The following PRDM2 variants were observed in gnomAD, a reference collection of about 807,000 sequenced individuals.
The protein encoded by PRDM2 is PR/SET domain 2.
PRDM2 carries 30 observed loss-of-function variants against 130.0 expected under a neutral mutation model. The ratio of observed to expected loss-of-function variants is 0.23; its 90% CI spans 0.17 to 0.31. The LOEUF is 0.31. Among genes scored for constraint, PRDM2 ranks in the 10% least tolerant of loss-of-function variants. The pLI is 1.00. For missense variants in PRDM2, 2,011 were observed against 2,108.4 expected (o/e 0.95, Z 0.90); for synonymous variants, 871 against 782.4 (o/e 1.11, Z -1.89).
chr1:13,707,860 C>A (rs1642256454), intron 1 of PRDM2, among the ~76,000 whole-genome samples: 1 of 144,146 alleles, frequency 6.9e-6, no homozygotes, highest in East Asian at 2.0e-4. Flanking sequence ...GGAGGAATAT[C>A]CTATAGTGAG....
At position 13,782,325 on chromosome 1, in the gene PRDM2, C is replaced by T. The variant is rs1462362951; in HGVS notation, c.4530C>T (p.Asn1510=). 1 of 1,614,056 alleles carries T rather than the reference C, an allele frequency of 6.2e-7. No individual in the cohort carries two copies. Among genetic ancestry groups the T allele is most frequent in the East Asian group, 2.2e-5 (1 of 44,874 alleles). Residue 1510 remains asparagine (N), a synonymous_variant, in exon 8 of 10, where the codon AAC becomes AAT. Transcript: ENST00000311066. The part of the protein sequence containing the change: ...SSPASSDKNS[N]SNHRRRTADA... ...CTGCAAGTAGTGACAAAAACAGTAA[C>T]AGCAACCACCGCAGACGGACAGCGG...
At position 13,778,599 on chromosome 1, in the gene PRDM2, A is replaced by AGAGGAGGAGGAGGAAGAG; in HGVS notation, c.813_830dup (p.Glu271_Glu276dup). On this transcript the variant is annotated inframe_insertion, in exon 8 of 10. Transcript: ENST00000311066. ...CTTGTGAGGTGAATGATTTGGGGGA[A>AGAGGAGGAGGAGGAAGAG]GAGGAGGAGGAGGAAGAGGAGGAGG... 6.2e-7 allele frequency: 1 copy of AGAGGAGGAGGAGGAAGAG among 1,611,720 alleles called. No homozygotes were observed.
chr1:13,749,278 C>G (rs1225178792), intron 5 of PRDM2, 83 bp from the exon 6 acceptor site: 1 of 1,249,284 alleles, frequency 8.0e-7, no homozygotes, highest in Non-Finnish European at 1.0e-6. Flanking sequence ...GCGCCGCTCC[C>G]GCCCGCGTCC....
chr1:13,754,313 G>A (rs1569876309), intron 6 of PRDM2, among the ~76,000 whole-genome samples: 4 of 152,326 alleles, frequency 2.6e-5, no homozygotes, highest in Admixed American at 2.6e-4. Flanking sequence ...ACAGCAGGCA[G>A]CATCCTCCTC....
chr1:13,704,711 T>G (rs920511506), intron 1 of PRDM2: 7 of 152,224 alleles, frequency 4.6e-5, no homozygotes, highest in African/African-American at 1.2e-4. Context: ...TAAACTCTGG[T>G]GGGATAATTC....
chr1:13,700,487 C>T (rs988489519), intron 1 of PRDM2, among the ~76,000 whole-genome samples, 187 bp downstream of exon 1: 2 of 150,152 alleles, frequency 1.3e-5, no homozygotes, highest in Non-Finnish European at 3.0e-5. Context: ...GAGGCGCGGG[C>T]CTCCGGGTCG....
At chr1:13,748,149 A>G (rs957697631) in intron 5 of PRDM2, among the ~76,000 whole-genome samples, 1 of 152,224 alleles carries the variant, frequency 6.6e-6, no homozygotes, top group Non-Finnish European at 1.5e-5. Context: ...TTTTCTGTGC[A>G]TCGTATCAGG....
rs963669709 is a variant in PRDM2, at chr1:13,787,446, C to T, written c.5036+4615C>T. 86 of 985,196 alleles carry T rather than the reference C, an allele frequency of 8.7e-5. No homozygotes were observed. The East Asian group carries it at 3.6e-3, about 42-fold the overall frequency. 61.0% of individuals were successfully genotyped at this position (985,196 alleles called of 1,614,324 possible). A position where few individuals can be genotyped will look rare whatever the true frequency, so the allele number is the denominator to read the frequency against. On this transcript the variant is annotated intron_variant, in intron 8 of 9. Coordinates refer to ENST00000311066, the MANE Select transcript of PRDM2 (RefSeq NM_001393986.1). The stretch of plus-strand genomic sequence containing the variant: ...AATTAATGACTGAGTTGGTGGAAAG[C>T]GGCTAGGTTTTATTCATACTGTTTT...
At chr1:13,749,627 T>G (rs1401662140) in intron 6 of PRDM2, 140 bp downstream of exon 6, 1 of 369,706 alleles carries the variant, frequency 2.7e-6, no homozygotes, top group Non-Finnish European at 3.7e-6. Flanking sequence ...CTCGGTGACC[T>G]TTTCCGGACT....
At chr1:13,728,248 T>A (rs1480303988) in intron 2 of PRDM2, among the ~76,000 whole-genome samples, 1 of 152,174 alleles carries the variant, frequency 6.6e-6, no homozygotes, top group Non-Finnish European at 1.5e-5. Flanking sequence ...AACACAACAC[T>A]GAATAAGATA....
At position 13,781,961 on chromosome 1, in the gene PRDM2, C is replaced by G. The variant is rs1475648783; in HGVS notation, c.4166C>G (p.Ser1389Cys). 6.2e-7 allele frequency: 1 copy of G among 1,614,024 alleles called. No individual in the cohort carries two copies. Among genetic ancestry groups the G allele is most frequent in the African/African-American group, 1.3e-5 (1 of 74,890 alleles). The change falls in exon 8 of 10, where the codon TCT becomes TGT. Residue 1389 changes from serine to cysteine, a missense_variant. Physicochemically the swap from Ser to Cys is moderately radical, Grantham distance 112. Around this residue, in one of 5 missense-constraint regions of PRDM2, gnomAD observed 229 missense variants for 364.1 expected, o/e 0.63. Transcript: ENST00000311066. This position sits in a 1 kb window ranked among gnomAD's most constrained non-coding sequence, Gnocchi z 6.1. Reference sequence around the variant, plus strand: ...AATGGCGTGGTGGTTTTAGATAACTCTGGGAAAAATGCCTTCCGACGAATG... The same window carrying G: ...AATGGCGTGGTGGTTTTAGATAACTGTGGGAAAAATGCCTTCCGACGAATG... ...PKNGVVVLDN[S>C]GKNAFRRMGQ...
intron 5 of PRDM2, among the ~76,000 whole-genome samples, chr1:13,744,546 C>T (rs545482105): frequency 6.6e-6 from 1 of 152,026 alleles, no homozygotes; most frequent in South Asian, 2.1e-4. Flanking sequence ...TATGTGACCA[C>T]GCAAAGGATC....
chr1:13,809,231 C>T (rs921608865), intron 8 of PRDM2, among the ~76,000 whole-genome samples: 3 of 152,168 alleles, frequency 2.0e-5, no homozygotes, highest in Admixed American at 2.0e-4. Flanking sequence ...AGGGGCGTGT[C>T]GTGGTCCGTT....
chr1:13,707,029 A>G (rs1210475187), intron 1 of PRDM2, among the ~76,000 whole-genome samples: 1 of 152,154 alleles, frequency 6.6e-6, no homozygotes, highest in South Asian at 2.1e-4. Flanking sequence ...TTGTAGTAAT[A>G]TAAGTGTGCC....
At chr1:13,805,779 CTG>C (rs1645076443) in intron 8 of PRDM2, among the ~76,000 whole-genome samples, 1 of 152,208 alleles carries the variant, frequency 6.6e-6, no homozygotes, top group African/African-American at 2.4e-5. Context: ...CTCCTGAAGA[CTG>C]TGAGAAAAAG....
chr1:13,749,334 C>T (rs771216227), intron 5 of PRDM2, 27 bp from the exon 6 acceptor site: 1 of 1,459,624 alleles, frequency 6.9e-7, no homozygotes, highest in Non-Finnish European at 9.2e-7. Context: ...CTGATTGGCC[C>T]GGCGCTTGTC....
intron 1 of PRDM2, among the ~76,000 whole-genome samples, chr1:13,711,300 T>A (rs1243583251): frequency 6.6e-6 from 1 of 152,218 alleles, no homozygotes; most frequent in Non-Finnish European, 1.5e-5. Context: ...AGGATTGCCA[T>A]GGCACTTCCA....
At chr1:13,812,297 G>C (rs892661451) in intron 8 of PRDM2, among the ~76,000 whole-genome samples, 2 of 147,190 alleles carry the variant, frequency 1.4e-5, no homozygotes, top group Non-Finnish European at 3.0e-5. Flanking sequence ...AGAATTAAGG[G>C]ACCCGGAGAT....
chr1:13,738,504 A>T (rs1471989771), intron 4 of PRDM2, among the ~76,000 whole-genome samples: 2 of 152,212 alleles, frequency 1.3e-5, no homozygotes, highest in Non-Finnish European at 2.9e-5. Context: ...TAGTTGTAGT[A>T]TAAAATCTAG....
Sources: gnomAD v4.1 joint callset for allele counts (sites outside exome capture counted in the v4.1 genomes callset) on GRCh38, gnomAD v4.1.1 for gene constraint, gnomAD v4.1.1 regional missense constraint, Gnocchi (gnomAD v3.1) non-coding constraint, MANE v1.5 for transcripts, NCBI Gene and HGNC (gene_info 2026-07-23, HGNC 2026-07-21) for gene names.